NF1: variants seen among roughly 807,000 people sequenced by gnomAD.
The protein encoded by NF1 is neurofibromin 1.
NF1 carries 122 observed loss-of-function variants against 325.7 expected under a neutral mutation model. The observed-to-expected ratio is 0.37, with a 90% CI of 0.32 to 0.44. NF1 has a LOEUF of 0.44. NF1 is among the 20% of genes least tolerant of loss of function. The probability of loss-of-function intolerance (pLI) is 1.00; values close to 1 mark genes in which losing one functional copy is unlikely to be tolerated. For synonymous variants in NF1, 1,091 were observed against 1,186.0 expected (o/e 0.92, Z 1.65); for missense variants, 2,140 against 3,415.4 (o/e 0.63, Z 9.31).
chr17:31,099,497 C>T (rs574054733), intron 1 of NF1, among the ~76,000 whole-genome samples: 1 of 151,854 alleles, frequency 6.6e-6, no homozygotes, highest in Non-Finnish European at 1.5e-5. Flanking sequence ...TCTCCTTAAC[C>T]TGCCTTCGTG....
chr17:31,244,467 G>A (rs1679634990), intron 29 of NF1, among the ~76,000 whole-genome samples: 1 of 152,086 alleles, frequency 6.6e-6, no homozygotes, highest in South Asian at 2.1e-4. Flanking sequence ...TGGTGGTGGG[G>A]CTTGCTGGAA....
intron 12 of NF1, among the ~76,000 whole-genome samples, chr17:31,206,794 A>C (rs923825749): frequency 1.3e-5 from 2 of 152,210 alleles, no homozygotes; most frequent in African/African-American, 4.8e-5. Context: ...ACTATTAAAC[A>C]TAGGAAATGA....
intron 20 of NF1, 41 bp downstream of exon 20, chr17:31,227,647 C>T (rs1282066967): frequency 1.3e-6 from 2 of 1,504,268 alleles, no homozygotes; most frequent in Admixed American, 3.3e-5. Flanking sequence ...AACTGATCTG[C>T]TAAATATATG....
intron 36 of NF1, among the ~76,000 whole-genome samples, chr17:31,312,706 G>A (rs1023361639): frequency 5.9e-5 from 9 of 152,026 alleles, no homozygotes; most frequent in Non-Finnish European, 1.3e-4. Flanking sequence ...CTGAAAAAGA[G>A]ATAAATATCT....
rs974455928 is a variant in NF1 at position 31,170,526 on chromosome 17, G to A, written c.586+529G>A. On this transcript the variant is annotated intron_variant, in intron 5 of 57. Coordinates refer to ENST00000358273, the MANE Select transcript of NF1 (RefSeq NM_001042492.3). ...CAAAGTCCCTTAACCTTCCATTGCC[G>A]GTTTTGTCTCCTTGTAGAACATGTC... Among the ~76,000 whole-genome samples the A allele has an allele frequency of 3.9e-5, 6 of 152,250 alleles. No homozygotes were observed. In the South Asian group the frequency reaches 1.0e-3, roughly 26 times the overall value.
chr17:31,217,781 A>G (rs2066845779), intron 13 of NF1, among the ~76,000 whole-genome samples: 1 of 151,564 alleles, frequency 6.6e-6, no homozygotes, highest in Non-Finnish European at 1.5e-5. Context: ...CCTGGCCAAC[A>G]TGGTGAAACC....
intron 1 of NF1, chr17:31,133,205 T>C (rs1915518113): frequency 6.6e-6 from 1 of 152,234 alleles, no homozygotes; most frequent in Non-Finnish European, 1.5e-5. Flanking sequence ...TGAATTTGAC[T>C]ACCCTGGATA....
chr17:31,342,862 G>C, intron 47 of NF1, 147 bp from the exon 48 acceptor site: 1 of 938,822 alleles, frequency 1.1e-6, no homozygotes, highest in Non-Finnish European at 1.7e-6. Flanking sequence ...AAAATGTTCT[G>C]TGGTTTTCTG....
chr17:31,100,863 C>T (rs958940674), intron 1 of NF1, among the ~76,000 whole-genome samples: 8 of 152,184 alleles, frequency 5.3e-5, no homozygotes, highest in Non-Finnish European at 8.8e-5. Context: ...CCACCGTGCC[C>T]GGCCCGGAAT....
At chr17:31,165,385 A>G (rs934657086) in intron 4 of NF1, among the ~76,000 whole-genome samples, 8 of 152,192 alleles carry the variant, frequency 5.3e-5, no homozygotes, top group Non-Finnish European at 1.0e-4. Flanking sequence ...AGCTTGTGTC[A>G]GAAATAGGAG....
chr17:31,295,489 A>G (rs1449367025), intron 36 of NF1: 2 of 1,614,162 alleles, frequency 1.2e-6, no homozygotes, highest in Admixed American at 1.7e-5. Flanking sequence ...TCTGCATCCC[A>G]CTTACAGTGA....
At chr17:31,337,793 T>C in intron 43 of NF1, 26 bp from the exon 44 acceptor site, 1 of 1,609,166 alleles carries the variant, frequency 6.2e-7, no homozygotes, top group Non-Finnish European at 8.5e-7. Flanking sequence ...ATGTACAATA[T>C]GTATTCAGAG....
At chr17:31,172,412 T>C (rs552172612) in intron 5 of NF1, among the ~76,000 whole-genome samples, 2 of 152,142 alleles carry the variant, frequency 1.3e-5, no homozygotes, top group Non-Finnish European at 2.9e-5. Flanking sequence ...TATATAGATA[T>C]ATCAATCGAT....
chr17:31,376,087 A>G lies in NF1; in HGVS notation c.*1932A>G, dbSNP rs905895490. The G allele has an allele frequency of 4.3e-6, 1 of 232,874 alleles. No homozygotes were observed. The highest frequency in any genetic ancestry group is 8.5e-6 in the Non-Finnish European group (1 of 117,842). 14.4% of individuals were successfully genotyped at this position (232,874 alleles called of 1,614,324 possible). On this transcript the variant is annotated 3_prime_UTR_variant, in exon 58 of 58. Coordinates refer to ENST00000358273, the MANE Select transcript of NF1 (RefSeq NM_001042492.3). ...TGAAATTAGAACTGTGTTTAGAAAT[A>G]GATCAGTAACCCAGTGCCAAGGATG...
intron 40 of NF1, 75 bp downstream of exon 40, chr17:31,335,106 C>A: frequency 8.0e-7 from 1 of 1,257,660 alleles, no homozygotes; most frequent in Non-Finnish European, 1.1e-6. Context: ...TTGGGCAAAG[C>A]ACTGCGCTAG....
At chr17:31,228,329 TA>T in intron 20 of NF1, among the ~76,000 whole-genome samples, 1 of 152,332 alleles carries the variant, frequency 6.6e-6, no homozygotes, top group East Asian at 1.9e-4. Context: ...TTGTCATGCT[TA>T]ATTACAATAG....
At chr17:31,305,618 A>G (rs749998773) in intron 36 of NF1, 1 of 1,607,730 alleles carries the variant, frequency 6.2e-7, no homozygotes, top group South Asian at 1.1e-5. Flanking sequence ...ATTTCAGAAT[A>G]TTTCCTCGTT....
chr17:31,191,013 T>A (rs1386104556), intron 8 of NF1, among the ~76,000 whole-genome samples: 1 of 152,224 alleles, frequency 6.6e-6, no homozygotes, highest in East Asian at 1.9e-4. Context: ...GAACATCATG[T>A]TGTACACCTT....
At chr17:31,292,248 C>G (rs1002677347) in intron 36 of NF1, among the ~76,000 whole-genome samples, 1 of 152,092 alleles carries the variant, frequency 6.6e-6, no homozygotes, top group African/African-American at 2.4e-5. Flanking sequence ...ATGTGTATAT[C>G]TGTACACATA....
Sources: allele counts gnomAD v4.1 joint callset (sites outside exome capture counted in the v4.1 genomes callset), GRCh38; gene constraint gnomAD v4.1.1; transcripts MANE v1.5; gene names NCBI Gene and HGNC (gene_info 2026-07-23, HGNC 2026-07-21).